TLN2: variants seen among roughly 807,000 people sequenced by gnomAD.
The protein encoded by TLN2 is talin 2, also known as talin-2.
In TLN2, 118 loss-of-function variants were observed where a neutral mutation model predicts 294.7. That is an observed-to-expected ratio of 0.40 (90% CI 0.34 to 0.47). TLN2 has a LOEUF of 0.47. TLN2 is among the 20% of genes least tolerant of loss of function. The pLI is 0.84. For missense variants in TLN2, 3,083 were observed against 3,282.2 expected (o/e 0.94, Z 1.48); for synonymous variants, 1,431 against 1,304.5 (o/e 1.10, Z -2.09).
intron 44 of TLN2, among the ~76,000 whole-genome samples, chr15:62,781,767 G>T (rs961877795): frequency 6.6e-6 from 1 of 152,108 alleles, no homozygotes; most frequent in African/African-American, 2.4e-5. Context: ...AAAAAATTCC[G>T]ACAGTAGAAG....
intron 1 of TLN2, among the ~76,000 whole-genome samples, chr15:62,426,646 T>C (rs975422657): frequency 1.3e-5 from 2 of 152,230 alleles, no homozygotes; most frequent in African/African-American, 2.4e-5. Flanking sequence ...GCCCCGGGTG[T>C]GCTGGGAGTG....
At chr15:62,390,838 A>C (rs1306102883) in intron 1 of TLN2, among the ~76,000 whole-genome samples, 153 bp downstream of exon 1, 1 of 152,150 alleles carries the variant, frequency 6.6e-6, no homozygotes, top group Non-Finnish European at 1.5e-5. Flanking sequence ...AATGCAGGAA[A>C]AACCCGTAAA....
chr15:62,573,124 C>T (rs1044671809), intron 1 of TLN2, among the ~76,000 whole-genome samples: 9 of 152,210 alleles, frequency 5.9e-5, no homozygotes, highest in African/African-American at 1.9e-4. Context: ...TTTATAACCA[C>T]ATCCTGAGCC....
chr15:62,739,466 T>G lies in TLN2; in HGVS notation c.3806T>G (p.Leu1269Trp). The change falls in exon 31 of 59, where the codon TTG becomes TGG. Residue 1269 changes from leucine to tryptophan, a missense_variant. By Grantham distance (61) the Leu-to-Trp change is moderately conservative. Transcript: ENST00000636159. ...VHATRGQSGELAAASGKFSDD... is the reference protein window; with the variant it reads ...VHATRGQSGEWAAASGKFSDD... Reference sequence around the variant, plus strand: ...GCCACCCGGGGCCAGAGTGGAGAGTTGGCTGCAGCCTCTGGAAAGTTCAGT... The same window carrying G: ...GCCACCCGGGGCCAGAGTGGAGAGTGGGCTGCAGCCTCTGGAAAGTTCAGT... 6.2e-7 allele frequency: 1 copy of G among 1,614,180 alleles called. No individual in the cohort carries two copies. Among genetic ancestry groups the G allele is most frequent in the Non-Finnish European group, 8.5e-7 (1 of 1,180,042 alleles).
chr15:62,546,359 A>T (rs1460851253), intron 1 of TLN2, among the ~76,000 whole-genome samples: 1 of 152,198 alleles, frequency 6.6e-6, no homozygotes, highest in Non-Finnish European at 1.5e-5. Flanking sequence ...AAGTGCTGAT[A>T]GAGATATTGT....
chr15:62,730,825 G>A (rs1368282530), intron 28 of TLN2, among the ~76,000 whole-genome samples: 2 of 152,050 alleles, frequency 1.3e-5, no homozygotes, highest in African/African-American at 2.4e-5. Flanking sequence ...TCCTCCTTTG[G>A]GTTGCAAGTG....
At chr15:62,814,274 G>T (rs2066909899) in intron 52 of TLN2, among the ~76,000 whole-genome samples, 1 of 152,188 alleles carries the variant, frequency 6.6e-6, no homozygotes, top group Admixed American at 6.5e-5. Flanking sequence ...ACAAGAAAAA[G>T]ACTTATCATT....
intron 42 of TLN2, among the ~76,000 whole-genome samples, chr15:62,774,696 A>C (rs1414503291): frequency 6.6e-6 from 1 of 152,200 alleles, no homozygotes; most frequent in Non-Finnish European, 1.5e-5. Flanking sequence ...CATCAGCATG[A>C]GTGGATGGGG....
intron 12 of TLN2, among the ~76,000 whole-genome samples, chr15:62,689,276 CT>C (rs1273817259): frequency 1.3e-5 from 2 of 151,944 alleles, no homozygotes; most frequent in African/African-American, 4.8e-5. Flanking sequence ...CCATTTAGGT[CT>C]TTTTACCTAC....
At chr15:62,392,385 A>C (rs1013731667) in intron 1 of TLN2, among the ~76,000 whole-genome samples, 55 of 152,218 alleles carry the variant, frequency 3.6e-4, no homozygotes, top group Non-Finnish European at 5.9e-5. Context: ...AGTGGTCCCC[A>C]AAATACACGT....
chr15:62,819,753 C>A, intron 53 of TLN2, 132 bp downstream of exon 53: 1 of 710,412 alleles, frequency 1.4e-6, no homozygotes, highest in Non-Finnish European at 2.3e-6. Flanking sequence ...ACAGTGAGGA[C>A]TTTCTGCAAG....
In TLN2 at chr15:62,840,422, G is replaced by A. The variant is rs115904438; in HGVS notation, c.7501-60G>A. ...CCGTGGAGCTCACATGAGCAGTGGG[G>A]TGGGTCGGAGGGTTTTCTACAAAGT... On this transcript the variant is annotated intron_variant, in intron 58 of 58. Coordinates refer to ENST00000636159, the MANE Select transcript of TLN2 (RefSeq NM_015059.3). 4 of 1,597,012 alleles carry A rather than the reference G, an allele frequency of 2.5e-6. No homozygotes were observed. The African/African-American group carries it at 5.4e-5, about 21-fold the overall frequency.
chr15:62,557,826 C>T (rs533785099), intron 1 of TLN2, among the ~76,000 whole-genome samples: 1 of 152,338 alleles, frequency 6.6e-6, no homozygotes, highest in East Asian at 1.9e-4. Context: ...CAGGCGTGAG[C>T]CACTGTGCCC....
At chr15:62,652,501 T>C (rs2052705226) in intron 6 of TLN2, among the ~76,000 whole-genome samples, 1 of 152,232 alleles carries the variant, frequency 6.6e-6, no homozygotes, top group East Asian at 1.9e-4. Flanking sequence ...AGATAGTCTT[T>C]CTTCTTGTGG....
intron 1 of TLN2, among the ~76,000 whole-genome samples, chr15:62,458,770 A>G (rs747452196): frequency 6.6e-6 from 1 of 152,040 alleles, no homozygotes; most frequent in South Asian, 2.1e-4. Flanking sequence ...CTCTGTCTCA[A>G]AAAGAAAAAA....
chr15:62,485,632 A>T (rs2038348914), intron 1 of TLN2, among the ~76,000 whole-genome samples: 1 of 152,196 alleles, frequency 6.6e-6, no homozygotes, highest in Admixed American at 6.5e-5. Flanking sequence ...GGGTGGGGAC[A>T]TTCTCTTTCC....
At chr15:62,462,614 C>G (rs1233419811) in intron 1 of TLN2, among the ~76,000 whole-genome samples, 1 of 152,158 alleles carries the variant, frequency 6.6e-6, no homozygotes, top group East Asian at 1.9e-4. Flanking sequence ...GAGGGGACCC[C>G]TGTTTTTAGG....
At chr15:62,577,487 A>C (rs915532487) in intron 1 of TLN2, among the ~76,000 whole-genome samples, 1 of 152,144 alleles carries the variant, frequency 6.6e-6, no homozygotes, top group African/African-American at 2.4e-5. Flanking sequence ...AAACACAAAC[A>C]AAAGAACTAC....
At chr15:62,488,797 A>T (rs2038548520) in intron 1 of TLN2, among the ~76,000 whole-genome samples, 1 of 152,196 alleles carries the variant, frequency 6.6e-6, no homozygotes, top group Admixed American at 6.5e-5. Flanking sequence ...TTGCTGATTT[A>T]CCCCCAAAAG....
Sources: gnomAD v4.1 joint callset for allele counts (sites outside exome capture counted in the v4.1 genomes callset) on GRCh38, gnomAD v4.1.1 for gene constraint, MANE v1.5 for transcripts, NCBI Gene and HGNC (gene_info 2026-07-23, HGNC 2026-07-21) for gene names.